The following MAPKAP1 variants were observed in gnomAD, a reference collection of about 807,000 sequenced individuals.
MAPKAP1 encodes the protein MAPK associated protein 1.
MAPKAP1 carries 20 observed loss-of-function variants against 65.7 expected under a neutral mutation model. The ratio of observed to expected loss-of-function variants is 0.30; its 90% CI spans 0.21 to 0.44. MAPKAP1 has a LOEUF of 0.44. Among genes scored for constraint, MAPKAP1 ranks in the 20% least tolerant of loss-of-function variants. The pLI is 1.00. For missense variants in MAPKAP1, 423 were observed against 648.0 expected (o/e 0.65, Z 3.77); for synonymous variants, 222 against 244.3 (o/e 0.91, Z 0.85).
intron 4 of MAPKAP1, among the ~76,000 whole-genome samples, chr9:125,587,299 C>T (rs146820106): frequency 6.6e-6 from 1 of 152,312 alleles, no homozygotes; most frequent in African/African-American, 2.4e-5. Context: ...GGCGCAGTGG[C>T]TCATGCCTGT....
rs1286744032 is a variant in MAPKAP1 at position 125,595,450 on chromosome 9, TATTA to T, written c.499-9727_499-9724del. ...TAGAGCAGCTTTTCTCAGCTGATCC[TATTA>T]ATTAAAATAATATACATTAGCTGCT... On this transcript the variant is annotated intron_variant, in intron 4 of 11. Transcript: ENST00000265960. This position sits in a 1 kb window ranked among gnomAD's most constrained non-coding sequence, Gnocchi z 4.0. 1.4e-5 allele frequency: 12 copies of T among 844,276 alleles called. No homozygotes were observed. Among genetic ancestry groups the T allele is most frequent in the Admixed American group, 5.1e-5 (1 of 19,720 alleles). The allele number at this position is 844,276 out of a possible 1,614,324, so 52.3% of individuals were successfully genotyped here.
intron 7 of MAPKAP1, among the ~76,000 whole-genome samples, chr9:125,536,494 A>T (rs184958480): frequency 3.3e-5 from 5 of 152,316 alleles, no homozygotes; most frequent in African/African-American, 1.2e-4. Context: ...TGGCATCAGC[A>T]TGATTACTTA....
At chr9:125,546,133 G>T (rs566559514) in intron 6 of MAPKAP1, among the ~76,000 whole-genome samples, 1 of 152,268 alleles carries the variant, frequency 6.6e-6, no homozygotes, top group South Asian at 2.1e-4. Flanking sequence ...CAAGGTTCAT[G>T]AGAGGAAAAT....
chr9:125,448,366 G>A (rs1852800087), intron 10 of MAPKAP1, among the ~76,000 whole-genome samples: 1 of 152,222 alleles, frequency 6.6e-6, no homozygotes. Flanking sequence ...AAATGAATCT[G>A]TCAATAAACA....
chr9:125,626,841 A>C (rs1328607536), intron 4 of MAPKAP1, among the ~76,000 whole-genome samples: 1 of 152,250 alleles, frequency 6.6e-6, no homozygotes, highest in Non-Finnish European at 1.5e-5. Context: ...CAAAATACTT[A>C]ACAATAATTA....
At chr9:125,684,283 A>C (rs907708078) in intron 1 of MAPKAP1, among the ~76,000 whole-genome samples, 2 of 152,306 alleles carry the variant, frequency 1.3e-5, no homozygotes, top group South Asian at 2.1e-4. Flanking sequence ...TAAGCAATCA[A>C]TATCTGGAGA....
chr9:125,543,671 G>A (rs1454175601), intron 6 of MAPKAP1, among the ~76,000 whole-genome samples: 2 of 152,180 alleles, frequency 1.3e-5, no homozygotes, highest in South Asian at 2.1e-4. Context: ...TGGCGGGGGG[G>A]CAGTGATAAA....
intron 4 of MAPKAP1, among the ~76,000 whole-genome samples, chr9:125,632,225 G>GAAAAAA (rs57409863): frequency 0.28 from 39,825 of 142,646 alleles, 6,928 homozygotes; most frequent in Non-Finnish European, 0.38. Flanking sequence ...CCGTCTCAAA[G>GAAAAAA]AAAAAAAAAA....
intron 1 of MAPKAP1, among the ~76,000 whole-genome samples, chr9:125,705,395 C>T (rs949737658): frequency 6.6e-6 from 1 of 152,128 alleles, no homozygotes; most frequent in Non-Finnish European, 1.5e-5. Flanking sequence ...TTTAGTTTAC[C>T]TCAAATTATG....
chr9:125,567,328 T>C (rs1195618997), intron 5 of MAPKAP1, among the ~76,000 whole-genome samples: 1 of 152,166 alleles, frequency 6.6e-6, no homozygotes, highest in East Asian at 1.9e-4. Context: ...ATACAGGTCA[T>C]AAAGACATTG....
intron 6 of MAPKAP1, among the ~76,000 whole-genome samples, chr9:125,545,227 G>A (rs1245688143): frequency 6.6e-6 from 1 of 152,154 alleles, no homozygotes; most frequent in Non-Finnish European, 1.5e-5. Flanking sequence ...AGCAAAATAA[G>A]AAAAAGCTCT....
chr9:125,504,490 T>G (rs1419135055), intron 8 of MAPKAP1, among the ~76,000 whole-genome samples: 1 of 152,062 alleles, frequency 6.6e-6, no homozygotes, highest in Non-Finnish European at 1.5e-5. Flanking sequence ...AAGAGTAGCA[T>G]CCTAGGCCGG....
chr9:125,652,110 C>T (rs367712467), intron 4 of MAPKAP1: 31 of 1,277,910 alleles, frequency 2.4e-5, no homozygotes, highest in Middle Eastern at 2.3e-4. Flanking sequence ...GATTTCAATT[C>T]GCTGACCTTT....
intron 6 of MAPKAP1, among the ~76,000 whole-genome samples, chr9:125,553,314 G>A (rs1261001988): frequency 6.6e-6 from 1 of 152,196 alleles, no homozygotes; most frequent in African/African-American, 2.4e-5. Flanking sequence ...GGTAGAGGCA[G>A]GCAGATCCCC....
chr9:125,499,539 C>G (rs946000000), intron 8 of MAPKAP1, among the ~76,000 whole-genome samples: 6 of 152,136 alleles, frequency 3.9e-5, no homozygotes, highest in Non-Finnish European at 8.8e-5. Context: ...TGGGAAGTAT[C>G]TTGCAAATCC....
chr9:125,662,752 T>C (rs930887208), intron 3 of MAPKAP1, among the ~76,000 whole-genome samples: 1 of 151,940 alleles, frequency 6.6e-6, no homozygotes, highest in Non-Finnish European at 1.5e-5. Context: ...TCAATGTAAT[T>C]ATTAAACATT....
At chr9:125,692,282 C>A (rs537562882) in intron 1 of MAPKAP1, among the ~76,000 whole-genome samples, 2 of 152,204 alleles carry the variant, frequency 1.3e-5, no homozygotes, top group East Asian at 3.9e-4. Flanking sequence ...AACTGATGAA[C>A]AGATAAACAA....
In MAPKAP1 at chr9:125,657,766, G is replaced by T; in HGVS notation, c.383C>A (p.Ser128Tyr). ...AGAAATTGGAGGCTTCTCTTTGAGA[G>T]ATTTTTTTTCAAACAGTGACTTTAA... ...QELKSLFEKK[S>Y]LKEKPPISGK... Residue 128 changes from serine to tyrosine, a missense_variant, in exon 4 of 12, where the codon TCT (serine) becomes TAT (tyrosine). Physicochemically the swap from Ser to Tyr is moderately radical, Grantham distance 144 (BLOSUM62 -2). Coordinates refer to ENST00000265960, the MANE Select transcript of MAPKAP1 (RefSeq NM_001006617.3). 6.2e-7 allele frequency: 1 copy of T among 1,613,884 alleles called. No homozygotes were observed. Among genetic ancestry groups the T allele is most frequent in the African/African-American group, 1.3e-5 (1 of 75,024 alleles).
At chr9:125,530,562 A>T (rs1327549312) in intron 7 of MAPKAP1, among the ~76,000 whole-genome samples, 1 of 152,232 alleles carries the variant, frequency 6.6e-6, no homozygotes, top group Non-Finnish European at 1.5e-5. Context: ...TTGCAGACAT[A>T]AGCTATCTGA....
Sources: gnomAD v4.1 joint callset for allele counts (sites outside exome capture counted in the v4.1 genomes callset) on GRCh38, gnomAD v4.1.1 for gene constraint, Gnocchi (gnomAD v3.1) non-coding constraint, MANE v1.5 for transcripts, NCBI Gene and HGNC (gene_info 2026-07-23, HGNC 2026-07-21) for gene names.